Variants in TRAPPC9 observed in about 807,000 individuals in gnomAD.
TRAPPC9 encodes trafficking protein particle complex subunit 9.
TRAPPC9 carries 83 observed loss-of-function variants against 124.0 expected under a neutral mutation model. The observed-to-expected ratio is 0.67, with a 90% CI of 0.56 to 0.80. TRAPPC9 has a LOEUF of 0.80. Among genes scored for constraint, TRAPPC9 ranks in the 30% least tolerant of loss-of-function variants. The pLI is 0.00. For synonymous variants in TRAPPC9, 638 were observed against 617.5 expected, an observed-to-expected ratio of 1.03 and a Z score of -0.49; for missense variants, 1,302 against 1,508.3, an observed-to-expected ratio of 0.86 and a Z score of 2.27.
rs1821416010 is a variant in TRAPPC9, at chr8:139,776,720, T to G, written c.3056-44518A>C. Reference sequence around the variant, plus strand: ...CACATGTGTGCTGGCTTCAAGAGCTTGGTGTAGGACAGGCTCCCCAGCTAA... The same window carrying G: ...CACATGTGTGCTGGCTTCAAGAGCTGGGTGTAGGACAGGCTCCCCAGCTAA... On this transcript the variant is annotated intron_variant, in intron 21 of 22. Coordinates refer to ENST00000438773, the MANE Select transcript of TRAPPC9 (RefSeq NM_001160372.4). This position sits in a 1 kb window ranked among gnomAD's most constrained non-coding sequence, Gnocchi z 4.1. 1.3e-5 allele frequency among the ~76,000 whole-genome samples: 2 copies of G among 152,002 alleles called. No homozygotes were observed. The highest frequency in any genetic ancestry group is 2.4e-5 in the African/African-American group (1 of 41,394).
rs1009916221 is a variant in TRAPPC9, at chr8:139,924,980, C to T, written c.2811-14680G>A. ...CCCCAGAGGGTAGAGCCAGAGCAGA[C>T]GGCCTGCAGCGGCCACCAGCTTCGT... is the stretch of plus-strand genomic sequence containing the variant. On this transcript the variant is annotated intron_variant, in intron 19 of 22. Coordinates refer to ENST00000438773, the MANE Select transcript of TRAPPC9 (RefSeq NM_001160372.4). 3.3e-5 allele frequency among the ~76,000 whole-genome samples: 5 copies of T among 152,282 alleles called. No homozygotes were observed. The South Asian group carries it at 8.3e-4, about 25-fold the overall frequency.
intron 2 of TRAPPC9, among the ~76,000 whole-genome samples, chr8:140,440,147 T>C (rs1257073918): frequency 6.6e-6 from 1 of 152,186 alleles, no homozygotes; most frequent in East Asian, 1.9e-4. Flanking sequence ...CCAGCCTTCG[T>C]TTGTCTCCTT....
intron 21 of TRAPPC9, among the ~76,000 whole-genome samples, chr8:139,753,961 T>A (rs1416942831): frequency 3.9e-5 from 6 of 152,238 alleles, no homozygotes; most frequent in Non-Finnish European, 8.8e-5. Flanking sequence ...ATCCTGCTCC[T>A]TGGCACAGAG....
Position 140,245,485 on chromosome 8 carries a change from G to GTA in TRAPPC9, c.2431+7291_2431+7292insTA, listed in dbSNP as rs1275297973. On this transcript the variant is annotated intron_variant, in intron 16 of 22. Coordinates refer to ENST00000438773, the MANE Select transcript of TRAPPC9 (RefSeq NM_001160372.4). ...TTGTGGTGTGTGTGTGTGTGTGTGTGTGTGTGTCTGTAAAATACACATAAT... is the reference window on the plus strand; with the variant it reads ...TTGTGGTGTGTGTGTGTGTGTGTGTGTATGTGTGTCTGTAAAATACACATAAT... Among the ~76,000 whole-genome samples the GTA allele has an allele frequency of 2.6e-5, 4 of 152,076 alleles. No individual in the cohort carries two copies. The East Asian group carries it at 7.7e-4, about 29-fold the overall frequency.
At chr8:140,288,261 C>T (rs113619762) in intron 12 of TRAPPC9, among the ~76,000 whole-genome samples, 8,599 of 152,172 alleles carry the variant, frequency 0.057, 586 homozygotes, top group African/African-American at 0.16. Context: ...GATGATCACC[C>T]GAGCCCAGGA....
At chr8:139,935,074 G>A (rs1833424221) in intron 19 of TRAPPC9, among the ~76,000 whole-genome samples, 1 of 152,160 alleles carries the variant, frequency 6.6e-6, no homozygotes, top group Admixed American at 6.5e-5. Flanking sequence ...CAGGATTTCA[G>A]CCCCTCCCGG....
intron 21 of TRAPPC9, among the ~76,000 whole-genome samples, chr8:139,786,014 C>CT: frequency 6.6e-6 from 1 of 152,158 alleles, no homozygotes; most frequent in Admixed American, 6.5e-5. Context: ...CGAGACCAGC[C>CT]TGGCCAACAT....
At chr8:139,986,966 G>A (rs752232218) in intron 19 of TRAPPC9, among the ~76,000 whole-genome samples, 8 of 152,142 alleles carry the variant, frequency 5.3e-5, no homozygotes, top group Non-Finnish European at 8.8e-5. Flanking sequence ...GGCAAAAGCC[G>A]CAATTACTTT....
intron 19 of TRAPPC9, among the ~76,000 whole-genome samples, chr8:139,967,039 A>G (rs541619158): frequency 6.6e-6 from 1 of 152,354 alleles, no homozygotes; most frequent in African/African-American, 2.4e-5. Flanking sequence ...GTTTGTCTTT[A>G]AATGCAGTGG....
chr8:140,373,833 G>A (rs944465741), intron 7 of TRAPPC9, among the ~76,000 whole-genome samples: 6 of 152,266 alleles, frequency 3.9e-5, no homozygotes, highest in African/African-American at 1.2e-4. Flanking sequence ...TTTGTGAAGC[G>A]CTTGTTCAAA....
At chr8:140,251,792 C>T (rs1027839143) in intron 16 of TRAPPC9, among the ~76,000 whole-genome samples, 9 of 152,174 alleles carry the variant, frequency 5.9e-5, no homozygotes, top group Admixed American at 4.6e-4. Flanking sequence ...CACGTGGAGA[C>T]GCAGCACGAA....
chr8:139,792,453 G>A (rs1822763667), intron 21 of TRAPPC9, among the ~76,000 whole-genome samples: 1 of 152,188 alleles, frequency 6.6e-6, no homozygotes, highest in African/African-American at 2.4e-5. Context: ...GGCCTGGCAT[G>A]GTGTGCTGTG....
At chr8:140,050,719 G>A (rs1298872759) in intron 17 of TRAPPC9, among the ~76,000 whole-genome samples, 1 of 152,176 alleles carries the variant, frequency 6.6e-6, no homozygotes, top group Admixed American at 6.5e-5. Context: ...GGGGGCTGGG[G>A]AGGGAAGAAG....
chr8:140,265,057 G>A (rs1304223710), intron 15 of TRAPPC9, among the ~76,000 whole-genome samples: 1 of 152,158 alleles, frequency 6.6e-6, no homozygotes, highest in African/African-American at 2.4e-5. Context: ...TGGACAACCC[G>A]AAGCGACAGA....
intron 17 of TRAPPC9, among the ~76,000 whole-genome samples, chr8:140,141,819 T>C (rs1481807440): frequency 6.6e-6 from 1 of 152,230 alleles, no homozygotes; most frequent in African/African-American, 2.4e-5. Context: ...CCTTTACTGT[T>C]ATATATGTTA....
At chr8:139,842,937 C>A (rs1490280207) in intron 21 of TRAPPC9, among the ~76,000 whole-genome samples, 1 of 152,226 alleles carries the variant, frequency 6.6e-6, no homozygotes, top group African/African-American at 2.4e-5. Context: ...GAGGTCCGGG[C>A]AGGTGAAGGA....
intron 18 of TRAPPC9, among the ~76,000 whole-genome samples, chr8:140,023,403 G>C (rs1839931739): frequency 6.6e-6 from 1 of 152,240 alleles, no homozygotes. Context: ...TCTCCCTGAA[G>C]GAAGATTAGG....
At chr8:139,802,962 GTT>G (rs1823648173) in intron 21 of TRAPPC9, among the ~76,000 whole-genome samples, 1 of 151,606 alleles carries the variant, frequency 6.6e-6, no homozygotes, top group Non-Finnish European at 1.5e-5. Flanking sequence ...GATGTGTGCT[GTT>G]GTGTGAGTGC....
chr8:140,104,906 T>A lies in TRAPPC9; in HGVS notation c.2557-80827A>T, dbSNP rs1587716744. 6.6e-6 allele frequency among the ~76,000 whole-genome samples: 1 copy of A among 152,324 alleles called. No homozygotes were observed. The highest frequency in any genetic ancestry group is 2.4e-5 in the African/African-American group (1 of 41,580). ...ATTTAACGACATGGAGCTCCCTGAG[T>A]TGACTCTGCCTCCGCTTGCCCCCTG... On this transcript the variant is annotated intron_variant, in intron 17 of 22. Coordinates refer to ENST00000438773, the MANE Select transcript of TRAPPC9 (RefSeq NM_001160372.4). The surrounding 1 kb of genome is among the most constrained non-coding windows in gnomAD (Gnocchi z 4.0).
Sources: gnomAD v4.1 joint callset for allele counts (sites outside exome capture counted in the v4.1 genomes callset) on GRCh38, gnomAD v4.1.1 for gene constraint, Gnocchi (gnomAD v3.1) non-coding constraint, MANE v1.5 for transcripts, NCBI Gene and HGNC (gene_info 2026-07-23, HGNC 2026-07-21) for gene names.